CEMIP2: variants seen among roughly 807,000 people sequenced by gnomAD.
CEMIP2 encodes cell surface hyaluronidase CEMIP2.
A neutral mutation model predicts 146.9 loss-of-function variants in CEMIP2; 79 were observed. That is an observed-to-expected ratio of 0.54 (90% CI 0.45 to 0.65). The LOEUF (loss-of-function observed/expected upper bound fraction) is 0.65, where lower values mean the gene tolerates loss of function less well. CEMIP2 is among the 30% of genes least tolerant of loss of function. The probability of loss-of-function intolerance (pLI) is 0.00; values close to 1 mark genes in which losing one functional copy is unlikely to be tolerated. For missense variants in CEMIP2, 1,596 were observed against 1,696.2 expected, an observed-to-expected ratio of 0.94 and a Z score of 1.04; for synonymous variants, 601 against 606.3, an observed-to-expected ratio of 0.99 and a Z score of 0.13.
chr9:71,766,493 C>T (rs145683750), intron 1 of CEMIP2, among the ~76,000 whole-genome samples: 6 of 152,272 alleles, frequency 3.9e-5, no homozygotes, highest in Admixed American at 3.9e-4. Flanking sequence ...ACTACATTAC[C>T]CTCCAGCTTG....
intron 5 of CEMIP2, among the ~76,000 whole-genome samples, chr9:71,738,469 C>T (rs1002114603): frequency 6.6e-6 from 1 of 151,746 alleles, no homozygotes; most frequent in Non-Finnish European, 1.5e-5. Flanking sequence ...GAGCGACAAT[C>T]GCACCACTGC....
At chr9:71,713,295 T>C (rs1280192821) in intron 15 of CEMIP2, among the ~76,000 whole-genome samples, 1 of 152,150 alleles carries the variant, frequency 6.6e-6, no homozygotes, top group Non-Finnish European at 1.5e-5. Context: ...GGAGTTTCCC[T>C]GTTTTAAAAA....
At chr9:71,728,821 G>T (rs908415542) in intron 10 of CEMIP2, among the ~76,000 whole-genome samples, 77 of 149,436 alleles carry the variant, frequency 5.2e-4, no homozygotes, top group African/African-American at 1.8e-3. Flanking sequence ...GTTTTTGTGT[G>T]TGTGTGTGTG....
chr9:71,716,401 C>A, intron 14 of CEMIP2, 116 bp downstream of exon 14: 1 of 855,616 alleles, frequency 1.2e-6, no homozygotes, highest in African/African-American at 1.8e-5. Flanking sequence ...GAAGAGGTTG[C>A]TAATTTTTTT....
intron 12 of CEMIP2, among the ~76,000 whole-genome samples, chr9:71,721,792 T>C (rs182934381): frequency 6.6e-5 from 10 of 152,338 alleles, no homozygotes; most frequent in African/African-American, 2.4e-4. Context: ...GTCACCATCT[T>C]TTCCAGAAAA....
At chr9:71,747,884 C>T (rs1485073244) in intron 2 of CEMIP2, among the ~76,000 whole-genome samples, 1 of 152,186 alleles carries the variant, frequency 6.6e-6, no homozygotes, top group Non-Finnish European at 1.5e-5. Flanking sequence ...GTTTTTCTCA[C>T]AGCAGTATCA....
At chr9:71,708,644 A>G (rs1017120722) in intron 17 of CEMIP2, among the ~76,000 whole-genome samples, 7 of 152,222 alleles carry the variant, frequency 4.6e-5, no homozygotes, top group African/African-American at 1.7e-4. Context: ...CTAGGCATCA[A>G]GTTAATACAC....
At chr9:71,710,907 T>C (rs969282804) in intron 16 of CEMIP2, among the ~76,000 whole-genome samples, 3 of 152,214 alleles carry the variant, frequency 2.0e-5, no homozygotes, top group Non-Finnish European at 4.4e-5. Flanking sequence ...CAAGCTGTTG[T>C]AGAAAACCAG....
rs67059194 is a variant in CEMIP2, at chr9:71,702,261, G to GAAAA, written c.3195-1441_3195-1438dup. 4.2e-3 allele frequency among the ~76,000 whole-genome samples: 447 copies of GAAAA among 106,114 alleles called. 4 individuals carry two copies. Among genetic ancestry groups the GAAAA allele is most frequent in the African/African-American group, 0.015 (418 of 28,740 alleles). 69.6% of individuals were successfully genotyped at this position (106,114 alleles called of 152,430 possible). On this transcript the variant is annotated intron_variant, in intron 18 of 23. Coordinates refer to ENST00000377044, the MANE Select transcript of CEMIP2 (RefSeq NM_013390.3). ...CAACAGAGCAAGATGTTGTCTCAAG[G>GAAAA]AAAAAAAAAAAAAAAAAAATATTGT...
chr9:71,685,734 A>G lies in CEMIP2; in HGVS notation c.3955+9T>C. 1.2e-6 allele frequency: 2 copies of G among 1,609,134 alleles called. No individual in the cohort carries two copies. Among genetic ancestry groups the G allele is most frequent in the South Asian group, 2.2e-5 (2 of 90,906 alleles). ...TGTAAGAACTTCATGAAATAATACA[A>G]ATACAAACCTTTGTCATAAAGATGA... On this transcript the variant is annotated intron_variant, in intron 23 of 23. Transcript: ENST00000377044.
chr9:71,696,898 G>A (rs1237837377), intron 20 of CEMIP2, among the ~76,000 whole-genome samples: 1 of 151,728 alleles, frequency 6.6e-6, no homozygotes, highest in Non-Finnish European at 1.5e-5. Context: ...AAAAAAGAGA[G>A]AGAAATATGG....
At chr9:71,697,863 G>A in intron 20 of CEMIP2, 122 bp downstream of exon 20, 2 of 999,412 alleles carry the variant, frequency 2.0e-6, no homozygotes, top group East Asian at 5.2e-5. Flanking sequence ...CCAAAATTCA[G>A]GAGATGCCAT....
intron 1 of CEMIP2, among the ~76,000 whole-genome samples, chr9:71,767,868 A>G (rs904231821): frequency 2.0e-5 from 3 of 152,166 alleles, no homozygotes; most frequent in Admixed American, 6.5e-5. Context: ...GGAGACAAAG[A>G]TGACCCCAAA....
At chr9:71,766,914 C>T (rs1172260913) in intron 1 of CEMIP2, among the ~76,000 whole-genome samples, 1 of 152,188 alleles carries the variant, frequency 6.6e-6, no homozygotes, top group Non-Finnish European at 1.5e-5. Context: ...TCCTCTAATG[C>T]AGGTACACAG....
chr9:71,749,759 T>A (rs995255851), intron 2 of CEMIP2, among the ~76,000 whole-genome samples: 1 of 151,806 alleles, frequency 6.6e-6, no homozygotes, highest in Non-Finnish European at 1.5e-5. Context: ...ATACCTACCA[T>A]AAGAATTTAG....
intron 23 of CEMIP2, 56 bp downstream of exon 23, chr9:71,685,687 A>G (rs1370885046): frequency 7.0e-7 from 1 of 1,433,556 alleles, no homozygotes; most frequent in African/African-American, 1.4e-5. Flanking sequence ...TTGCACCATA[A>G]AATTACCTAT....
chr9:71,694,173 A>G (rs924741676), intron 21 of CEMIP2, among the ~76,000 whole-genome samples: 2 of 151,808 alleles, frequency 1.3e-5, no homozygotes, highest in Non-Finnish European at 1.5e-5. Flanking sequence ...CACAGGCTGG[A>G]GTGCAGTGGC....
chr9:71,759,418 C>A lies in CEMIP2; in HGVS notation c.-13+8939G>T, dbSNP rs1564029301. The stretch of plus-strand genomic sequence containing the variant: ...GGCTCCCTGAAAGTTCACTAAAATC[C>A]CTGCCATGAGGCAGTTTGATTCACA... On this transcript the variant is annotated intron_variant, in intron 1 of 23. Coordinates refer to ENST00000377044, the MANE Select transcript of CEMIP2 (RefSeq NM_013390.3). Among the ~76,000 whole-genome samples the A allele has an allele frequency of 2.0e-5, 3 of 152,180 alleles. No individual in the cohort carries two copies. The South Asian group carries it at 6.2e-4, about 32-fold the overall frequency.
At chr9:71,741,230 CTT>C (rs1248712269) in intron 4 of CEMIP2, among the ~76,000 whole-genome samples, 3 of 100,638 alleles carry the variant, frequency 3.0e-5, no homozygotes, top group African/African-American at 4.0e-5. Context: ...GAGTTTCGCT[CTT>C]GTTACCCAGG....
Sources: allele counts gnomAD v4.1 joint callset (sites outside exome capture counted in the v4.1 genomes callset), GRCh38; gene constraint gnomAD v4.1.1; transcripts MANE v1.5; gene names NCBI Gene and HGNC (gene_info 2026-07-23, HGNC 2026-07-21).